The following SNX18 variants were observed in gnomAD, a reference collection of about 807,000 sequenced individuals.
SNX18 encodes sorting nexin 18, also known as sorting nexin-18.
SNX18 carries 35 observed loss-of-function variants against 48.7 expected under a neutral mutation model. The ratio of observed to expected loss-of-function variants is 0.72; its 90% CI spans 0.55 to 0.95. The LOEUF (loss-of-function observed/expected upper bound fraction) is 0.95, where lower values mean the gene tolerates loss of function less well. SNX18 is among the 40% of genes least tolerant of loss of function. SNX18 has a pLI of 0.00. For missense variants in SNX18, 824 were observed against 871.0 expected (o/e 0.95, Z 0.68); for synonymous variants, 492 against 384.7 (o/e 1.28, Z -3.26).
intron 1 of SNX18, among the ~76,000 whole-genome samples, chr5:54,535,193 T>C (rs1259850301): frequency 1.3e-5 from 2 of 152,210 alleles, no homozygotes; most frequent in Non-Finnish European, 2.9e-5. Context: ...CTTGCTTTGG[T>C]CTTTTCAGCC....
At chr5:54,523,507 TG>T (rs1354591441) in intron 1 of SNX18, among the ~76,000 whole-genome samples, 1 of 152,216 alleles carries the variant, frequency 6.6e-6, no homozygotes, top group Non-Finnish European at 1.5e-5. Flanking sequence ...TTCCTTTAAG[TG>T]AAATGTCTTT....
At chr5:54,637,006 G>C in the SNX18 span, among the ~76,000 whole-genome samples, 1 of 152,264 alleles carries the variant, frequency 6.6e-6, no homozygotes, top group South Asian at 2.1e-4. Flanking sequence ...TAAATATAAA[G>C]TTTAAGAGAC....
intron 1 of SNX18, among the ~76,000 whole-genome samples, chr5:54,534,237 CTTT>C (rs56135730): frequency 7.0e-6 from 1 of 143,618 alleles, no homozygotes; most frequent in Admixed American, 6.9e-5. Context: ...TTTCTTTTTT[CTTT>C]TTTTTTTTTT....
At chr5:54,593,782 G>A in the SNX18 span, among the ~76,000 whole-genome samples, 1 of 152,184 alleles carries the variant, frequency 6.6e-6, no homozygotes, top group Non-Finnish European at 1.5e-5. Flanking sequence ...TAATTCCATG[G>A]GGAAGGTATA....
the SNX18 span, among the ~76,000 whole-genome samples, chr5:54,566,340 T>A: frequency 0.76 from 115,571 of 152,120 alleles, 44,034 homozygotes; most frequent in Non-Finnish European, 0.79. Context: ...GAAAGGTAGG[T>A]TATTAAAATA....
At chr5:54,519,915 C>G (rs1580091597) in intron 1 of SNX18, 13 of 1,214,704 alleles carry the variant, frequency 1.1e-5, no homozygotes, top group African/African-American at 1.5e-5. Context: ...GGGACCTAAA[C>G]CATGTTAGGT....
chr5:54,625,438 C>G, the SNX18 span, among the ~76,000 whole-genome samples: 4 of 152,168 alleles, frequency 2.6e-5, no homozygotes, highest in African/African-American at 9.7e-5. Flanking sequence ...CTTGTTGGAT[C>G]TTGGACACAG....
At chr5:54,645,150 C>T in the SNX18 span, 36 of 152,070 alleles carry the variant, frequency 2.4e-4, no homozygotes, top group African/African-American at 8.2e-4. Context: ...TTCTATTTGC[C>T]GGTACTAAAA....
At chr5:54,581,475 C>T in the SNX18 span, among the ~76,000 whole-genome samples, 1 of 151,860 alleles carries the variant, frequency 6.6e-6, no homozygotes, top group Admixed American at 6.6e-5. Context: ...GGAAAATGAC[C>T]ACATCTAGGT....
the SNX18 span, among the ~76,000 whole-genome samples, chr5:54,603,012 G>T: frequency 6.6e-6 from 1 of 152,090 alleles, no homozygotes; most frequent in Non-Finnish European, 1.5e-5. Context: ...TAACCGAATT[G>T]GGGGAGAAAC....
chr5:54,606,174 C>G, the SNX18 span, among the ~76,000 whole-genome samples: 4 of 152,184 alleles, frequency 2.6e-5, no homozygotes, highest in African/African-American at 9.7e-5. Flanking sequence ...TGTGGCTACA[C>G]ACCAGACATC....
the SNX18 span, among the ~76,000 whole-genome samples, chr5:54,557,424 A>G: frequency 2.0e-4 from 30 of 152,356 alleles, no homozygotes; most frequent in Admixed American, 1.5e-3. Flanking sequence ...ATATGGCAAC[A>G]TAGCATGCGG....
chr5:54,592,295 C>T, the SNX18 span, among the ~76,000 whole-genome samples: 1 of 152,104 alleles, frequency 6.6e-6, no homozygotes, highest in African/African-American at 2.4e-5. Flanking sequence ...CTCACCTGAG[C>T]TGCCTCCACC....
chr5:54,534,195 C>T lies in SNX18; in HGVS notation c.1622-8984C>T, dbSNP rs530480103. Among the ~76,000 whole-genome samples the T allele has an allele frequency of 2.2e-4, 33 of 151,702 alleles. No homozygotes were observed. In the East Asian group the frequency reaches 6.0e-3, roughly 28 times the overall value. On this transcript the variant is annotated intron_variant, in intron 1 of 1. Transcript: ENST00000381410. ...ACAGAAATCGAGTTAATGTTTTTGG[C>T]ACATTCATGATTTCAAAATTAAATA...
At chr5:54,640,886 C>G in the SNX18 span, among the ~76,000 whole-genome samples, 1 of 152,056 alleles carries the variant, frequency 6.6e-6, no homozygotes, top group Non-Finnish European at 1.5e-5. Flanking sequence ...ATGGTTAAAC[C>G]CCATCTCTAC....
At chr5:54,584,604 G>T in the SNX18 span, among the ~76,000 whole-genome samples, 1 of 152,056 alleles carries the variant, frequency 6.6e-6, no homozygotes, top group Non-Finnish European at 1.5e-5. Flanking sequence ...TATGGGAGAT[G>T]GTTCTGAATA....
chr5:54,646,054 T>C, the SNX18 span: 1 of 152,242 alleles, frequency 6.6e-6, no homozygotes, highest in African/African-American at 2.4e-5. Context: ...ATTGCTTTTT[T>C]CTTTCCATTT....
At chr5:54,580,113 G>A in the SNX18 span, among the ~76,000 whole-genome samples, 2 of 152,050 alleles carry the variant, frequency 1.3e-5, no homozygotes, top group Non-Finnish European at 2.9e-5. Context: ...AAGAGAGAGA[G>A]AGAGACAGAG....
chr5:54,594,841 G>C, the SNX18 span, among the ~76,000 whole-genome samples: 1 of 152,048 alleles, frequency 6.6e-6, no homozygotes, highest in Non-Finnish European at 1.5e-5. Context: ...TCTCCTTCTA[G>C]TAATCCCTAG....
Sources: allele counts gnomAD v4.1 joint callset (sites outside exome capture counted in the v4.1 genomes callset), GRCh38; gene constraint gnomAD v4.1.1; transcripts MANE v1.5; gene names NCBI Gene and HGNC (gene_info 2026-07-23, HGNC 2026-07-21).